Variants in SNTG2 observed in about 807,000 individuals in gnomAD.
The protein encoded by SNTG2 is gamma-2-syntrophin.
Under a neutral mutation model 70.9 loss-of-function variants are expected in SNTG2, and 74 were observed. The observed-to-expected ratio is 1.04, with a 90% confidence interval of 0.86 to 1.27. SNTG2 has a LOEUF of 1.27. Ranked by LOEUF, SNTG2 falls within the 50% of genes most tolerant of loss-of-function variation. The pLI, the probability that SNTG2 is intolerant of heterozygous loss-of-function variation, is 0.00. For synonymous variants in SNTG2, 278 were observed against 273.8 expected (o/e 1.02, Z -0.15); for missense variants, 717 against 690.7 (o/e 1.04, Z -0.43).
intron 1 of SNTG2, among the ~76,000 whole-genome samples, chr2:993,553 A>G (rs1419090717): frequency 6.6e-6 from 1 of 152,154 alleles, no homozygotes; most frequent in African/African-American, 2.4e-5. Flanking sequence ...GTTTCCAATT[A>G]TATTTCATTA....
intron 11 of SNTG2, among the ~76,000 whole-genome samples, chr2:1,242,029 C>A (rs1265746638): frequency 6.6e-6 from 1 of 152,146 alleles, no homozygotes; most frequent in Non-Finnish European, 1.5e-5. Context: ...TCCTATACAA[C>A]TTTGAATTTA....
chr2:1,003,906 G>A (rs1300216592), intron 1 of SNTG2, among the ~76,000 whole-genome samples: 3 of 152,196 alleles, frequency 2.0e-5, no homozygotes, highest in East Asian at 1.9e-4. Flanking sequence ...TAATTTGCTA[G>A]GCTTCTCCCC....
At chr2:1,322,479 A>G (rs1338445448) in intron 16 of SNTG2, among the ~76,000 whole-genome samples, 3 of 152,340 alleles carry the variant, frequency 2.0e-5, no homozygotes, top group African/African-American at 2.4e-5. Context: ...TGCAGACCCC[A>G]TAACACTTTA....
chr2:1,115,379 G>A (rs1666882553), intron 4 of SNTG2, among the ~76,000 whole-genome samples: 1 of 151,528 alleles, frequency 6.6e-6, no homozygotes. Flanking sequence ...CCTTTGAGAA[G>A]GATTGTGTGT....
At chr2:1,246,783 C>A (rs1046893911) in intron 11 of SNTG2, among the ~76,000 whole-genome samples, 2 of 152,072 alleles carry the variant, frequency 1.3e-5, no homozygotes, top group Non-Finnish European at 2.9e-5. Context: ...GTTTTTGAAT[C>A]ATATTCTGAT....
chr2:1,198,708 A>T (rs6746241), intron 8 of SNTG2, among the ~76,000 whole-genome samples: 4 of 151,876 alleles, frequency 2.6e-5, no homozygotes, highest in South Asian at 2.1e-4. Flanking sequence ...AAGATTTTGA[A>T]GCAGAAATTC....
intron 16 of SNTG2, among the ~76,000 whole-genome samples, chr2:1,355,144 A>T (rs1660775377): frequency 6.6e-6 from 1 of 152,192 alleles, no homozygotes; most frequent in Non-Finnish European, 1.5e-5. Context: ...TATACCTTCC[A>T]CTGTGTGACC....
intron 15 of SNTG2, among the ~76,000 whole-genome samples, chr2:1,313,772 T>C (rs570978139): frequency 6.6e-6 from 1 of 152,284 alleles, no homozygotes; most frequent in East Asian, 1.9e-4. Context: ...AACTTGTACC[T>C]GGACCACGCT....
intron 9 of SNTG2, among the ~76,000 whole-genome samples, chr2:1,225,879 A>T (rs566720826): frequency 3.9e-5 from 6 of 152,282 alleles, no homozygotes; most frequent in African/African-American, 1.4e-4. Context: ...AGCTTAGCAC[A>T]CCTGGGCAGG....
chr2:1,060,391 A>G (rs6733686), intron 1 of SNTG2, among the ~76,000 whole-genome samples: 148,905 of 152,228 alleles, frequency 0.98, 72,914 homozygotes, highest in East Asian at 1. Flanking sequence ...GAGAGAGAGA[A>G]GTGCATAGAT....
chr2:1,110,175 C>T (rs898512728), intron 4 of SNTG2, among the ~76,000 whole-genome samples: 15 of 152,144 alleles, frequency 9.9e-5, no homozygotes, highest in African/African-American at 2.4e-4. Flanking sequence ...GCGGCTGTGG[C>T]GGAGTTTTGT....
intron 16 of SNTG2, among the ~76,000 whole-genome samples, chr2:1,324,920 T>C (rs1298465860): frequency 6.6e-6 from 1 of 152,210 alleles, no homozygotes; most frequent in East Asian, 1.9e-4. Flanking sequence ...TCTGTATGAA[T>C]TGGGTGAATT....
intron 1 of SNTG2, among the ~76,000 whole-genome samples, chr2:1,004,775 A>G (rs1167679027): frequency 6.6e-6 from 1 of 152,240 alleles, no homozygotes; most frequent in Admixed American, 6.5e-5. Flanking sequence ...TGCTAAACAT[A>G]TTCTTAACAT....
intron 6 of SNTG2, among the ~76,000 whole-genome samples, chr2:1,156,284 T>G (rs1249334898): frequency 6.6e-6 from 1 of 152,016 alleles, no homozygotes; most frequent in East Asian, 1.9e-4. Flanking sequence ...TGGCCTTAGA[T>G]AGATCGAGGG....
rs575167028 is a variant in SNTG2, at chr2:987,366, G to A, written c.72+36298G>A. ...CCTGAACTGTGAACACTGGACCTTA[G>A]GCAGCAAGAGCTTCCGCAGAGGTGG... On this transcript the variant is annotated intron_variant, in intron 1 of 16. Transcript: ENST00000308624. 5.3e-5 allele frequency among the ~76,000 whole-genome samples: 8 copies of A among 152,282 alleles called. No individual in the cohort carries two copies. The South Asian group carries it at 1.7e-3, about 32-fold the overall frequency.
chr2:1,302,683 CACCAAGTAAG>C (rs1159018698), intron 14 of SNTG2, among the ~76,000 whole-genome samples: 1 of 152,038 alleles, frequency 6.6e-6, no homozygotes, highest in Non-Finnish European at 1.5e-5. Context: ...GGTGTAAATG[CACCAAGTAAG>C]AAACAGAGAT....
At chr2:1,251,884 G>C (rs73175954) in intron 12 of SNTG2, among the ~76,000 whole-genome samples, 1,911 of 152,336 alleles carry the variant, frequency 0.013, 33 homozygotes, top group African/African-American at 0.044. Flanking sequence ...GATGTGAGAG[G>C]AGGGACTCCA....
intron 14 of SNTG2, among the ~76,000 whole-genome samples, chr2:1,281,958 G>A (rs2148208592): frequency 6.6e-6 from 1 of 152,240 alleles, no homozygotes; most frequent in Non-Finnish European, 1.5e-5. Context: ...TTGTGACCTT[G>A]CTACCACTTC....
intron 16 of SNTG2, among the ~76,000 whole-genome samples, chr2:1,334,587 T>C (rs1659703502): frequency 6.6e-6 from 1 of 152,204 alleles, no homozygotes; most frequent in African/African-American, 2.4e-5. Context: ...ATGGTACATA[T>C]ACTCCATGGA....
Sources: allele counts gnomAD v4.1 joint callset (sites outside exome capture counted in the v4.1 genomes callset), GRCh38; gene constraint gnomAD v4.1.1; transcripts MANE v1.5; gene names NCBI Gene and HGNC (gene_info 2026-07-23, HGNC 2026-07-21).